Variants in ROBO2 observed in about 807,000 individuals in gnomAD.
ROBO2 encodes roundabout guidance receptor 2.
Under a neutral mutation model 160.8 loss-of-function variants are expected in ROBO2, and 53 were observed. The observed-to-expected ratio is 0.33, with a 90% CI of 0.26 to 0.41. The LOEUF is 0.41. Ranked by LOEUF, ROBO2 falls within the 10% of genes least tolerant of loss-of-function variation. ROBO2 has a pLI of 1.00. For missense variants in ROBO2, 1,577 were observed against 1,722.4 expected, an observed-to-expected ratio of 0.92 and a Z score of 1.49; for synonymous variants, 664 against 611.7, an observed-to-expected ratio of 1.09 and a Z score of -1.26.
chr3:76,108,197 A>T (rs751401947), intron 2 of ROBO2, among the ~76,000 whole-genome samples: 3 of 152,072 alleles, frequency 2.0e-5, no homozygotes, highest in South Asian at 2.1e-4. Flanking sequence ...CTTCCTGCGT[A>T]TGAGTTTAGG....
chr3:77,488,317 G>A (rs142345457), intron 4 of ROBO2, among the ~76,000 whole-genome samples: 2 of 152,222 alleles, frequency 1.3e-5, no homozygotes, highest in Non-Finnish European at 2.9e-5. Context: ...CATTGCCTCT[G>A]ATCACTCTGC....
chr3:76,013,645 C>G (rs1337889820), intron 2 of ROBO2, among the ~76,000 whole-genome samples: 4 of 109,648 alleles, frequency 3.6e-5, no homozygotes, highest in Admixed American at 1.9e-4. Context: ...GGGCACGGCG[C>G]CTGATGTGTA....
chr3:76,818,819 C>T (rs1366982899), intron 2 of ROBO2, among the ~76,000 whole-genome samples: 1 of 151,924 alleles, frequency 6.6e-6, no homozygotes, highest in Admixed American at 6.6e-5. Context: ...GGCCCATGTG[C>T]CTATTTTTAT....
At chr3:77,171,651 G>A (rs977130294) in intron 2 of ROBO2, among the ~76,000 whole-genome samples, 1 of 152,132 alleles carries the variant, frequency 6.6e-6, no homozygotes, top group African/African-American at 2.4e-5. Flanking sequence ...TGTTGTACAG[G>A]TATCAGAATG....
At chr3:77,112,566 C>T (rs1341721977) in intron 2 of ROBO2, among the ~76,000 whole-genome samples, 2 of 151,982 alleles carry the variant, frequency 1.3e-5, no homozygotes, top group Admixed American at 1.3e-4. Context: ...GGATTTAAGA[C>T]TATGTCCCAA....
intron 2 of ROBO2, among the ~76,000 whole-genome samples, chr3:76,409,593 A>G (rs1398897464): frequency 3.9e-5 from 6 of 152,104 alleles, no homozygotes; most frequent in African/African-American, 1.4e-4. Flanking sequence ...AGAGCAGTAT[A>G]GTTTATTGAG....
chr3:77,436,094 G>C (rs1035836855), intron 2 of ROBO2, among the ~76,000 whole-genome samples: 3 of 151,234 alleles, frequency 2.0e-5, no homozygotes, highest in African/African-American at 7.3e-5. Context: ...AGATGACTGT[G>C]TATGATATAT....
chr3:75,987,743 G>A (rs1438509803), intron 2 of ROBO2, among the ~76,000 whole-genome samples: 1 of 151,922 alleles, frequency 6.6e-6, no homozygotes, highest in East Asian at 1.9e-4. Context: ...CTAGTTTGTT[G>A]AGTGTTTTTG....
At chr3:77,512,017 G>C (rs966233626) in intron 5 of ROBO2, among the ~76,000 whole-genome samples, 3 of 151,880 alleles carry the variant, frequency 2.0e-5, no homozygotes, top group Non-Finnish European at 4.4e-5. Context: ...CACCCAAACT[G>C]TGAACATTAG....
At chr3:76,888,772 AG>A (rs1354862873) in intron 2 of ROBO2, among the ~76,000 whole-genome samples, 7 of 152,204 alleles carry the variant, frequency 4.6e-5, no homozygotes. Context: ...AGTACTAGCA[AG>A]AGTTAAGGAA....
intron 2 of ROBO2, among the ~76,000 whole-genome samples, chr3:75,960,148 G>A (rs1576304277): frequency 6.6e-6 from 1 of 151,762 alleles, no homozygotes; most frequent in African/African-American, 2.4e-5. Context: ...TGGTTTGGGT[G>A]AGGGGGATTA....
At chr3:76,307,174 G>A (rs1233034540) in intron 2 of ROBO2, among the ~76,000 whole-genome samples, 1 of 152,144 alleles carries the variant, frequency 6.6e-6, no homozygotes, top group African/African-American at 2.4e-5. Context: ...CCATGCTCAT[G>A]CTATTTCCTC....
At chr3:76,168,707 A>G (rs2072925200) in intron 2 of ROBO2, among the ~76,000 whole-genome samples, 2 of 152,132 alleles carry the variant, frequency 1.3e-5, no homozygotes, top group Admixed American at 6.6e-5. Flanking sequence ...CTAAAAACGT[A>G]GTAGTATTAT....
chr3:76,857,582 G>A (rs1257569487), intron 2 of ROBO2, among the ~76,000 whole-genome samples: 1 of 152,100 alleles, frequency 6.6e-6, no homozygotes, highest in Non-Finnish European at 1.5e-5. Context: ...ATGGCCCGTT[G>A]GGTTTCAGCA....
Position 76,332,530 on chromosome 3 carries a change from T to C in ROBO2, c.109+394928T>C, listed in dbSNP as rs185351867. Among the ~76,000 whole-genome samples the C allele has an allele frequency of 6.8e-3, 1,037 of 152,306 alleles. 6 individuals carry two copies. The highest frequency in any genetic ancestry group is 0.011 in the Non-Finnish European group (759 of 68,014). ...CAAGTTAATCATATTTTCCATTTAG[T>C]CCCTCTGGGATTTATCTCTGCATAA... On this transcript the variant is annotated intron_variant, in intron 2 of 26. Coordinates refer to the ROBO2 transcript ENST00000487694.
At chr3:77,418,901 G>T (rs1048936718) in intron 2 of ROBO2, among the ~76,000 whole-genome samples, 3 of 152,008 alleles carry the variant, frequency 2.0e-5, no homozygotes, top group African/African-American at 7.2e-5. Flanking sequence ...TGGGCAAAAG[G>T]GATGGTTGCA....
intron 6 of ROBO2, among the ~76,000 whole-genome samples, chr3:77,540,456 C>G (rs2092406980): frequency 6.7e-6 from 1 of 148,316 alleles, no homozygotes; most frequent in Admixed American, 6.6e-5. Flanking sequence ...GTCCTCCAAT[C>G]TAATTTAACT....
chr3:77,402,585 A>G (rs962437737), intron 2 of ROBO2, among the ~76,000 whole-genome samples: 2 of 152,024 alleles, frequency 1.3e-5, no homozygotes, highest in African/African-American at 4.8e-5. Flanking sequence ...ATGTGCACTA[A>G]AAGGCAAAAT....
chr3:77,288,815 C>T (rs139660985), intron 2 of ROBO2, among the ~76,000 whole-genome samples: 2 of 151,996 alleles, frequency 1.3e-5, no homozygotes, highest in Admixed American at 1.3e-4. Context: ...TACCTGGGTC[C>T]AGAATTTCAA....
Sources: gnomAD v4.1 joint callset for allele counts (sites outside exome capture counted in the v4.1 genomes callset) on GRCh38, gnomAD v4.1.1 for gene constraint, MANE v1.5 for transcripts, NCBI Gene and HGNC (gene_info 2026-07-23, HGNC 2026-07-21) for gene names.